The following EDEM3 variants were observed in gnomAD, a reference collection of about 807,000 sequenced individuals.
EDEM3 encodes the protein ER degradation enhancing alpha-mannosidase like protein 3.
In EDEM3, 60 loss-of-function variants were observed where a neutral mutation model predicts 110.2. The observed-to-expected ratio is 0.54, with a 90% CI of 0.44 to 0.67. The LOEUF is 0.67. Among genes scored for constraint, EDEM3 ranks in the 30% least tolerant of loss-of-function variants. The pLI, the probability that EDEM3 is intolerant of heterozygous loss-of-function variation, is 0.00. For missense variants in EDEM3, 996 were observed against 1,121.0 expected (o/e 0.89, Z 1.59); for synonymous variants, 352 against 382.9 (o/e 0.92, Z 0.94).
At position 184,692,363 on chromosome 1, in the gene EDEM3, C is replaced by T. The variant is rs540791218; in HGVS notation, c.*1700G>A. On this transcript the variant is annotated 3_prime_UTR_variant, in exon 20 of 20. Coordinates refer to ENST00000318130, the MANE Select transcript of EDEM3 (RefSeq NM_025191.4). The stretch of plus-strand genomic sequence containing the variant: ...GGTCTTGCATACTATTCTTTTTCCC[C>T]TCCCCAAAGTGAATTCTCCATCAGA... 1 of 152,176 alleles carries T rather than the reference C, an allele frequency of 6.6e-6. No homozygotes were observed. The highest frequency in any genetic ancestry group is 6.5e-5 in the Admixed American group (1 of 15,278). The allele number at this position is 152,176 out of a possible 1,614,324, so 9.4% of individuals were successfully genotyped here. A position where few individuals can be genotyped will look rare whatever the true frequency, so the allele number is the denominator to read the frequency against.
chr1:184,706,383 A>T (rs976889159), intron 18 of EDEM3, among the ~76,000 whole-genome samples: 2 of 152,128 alleles, frequency 1.3e-5, no homozygotes, highest in African/African-American at 4.8e-5. Context: ...GAATTTTTTT[A>T]CTACTCAGCC....
At chr1:184,718,539 C>T (rs144299962) in intron 11 of EDEM3, among the ~76,000 whole-genome samples, 54 of 152,054 alleles carry the variant, frequency 3.6e-4, no homozygotes, top group African/African-American at 1.3e-3. Context: ...AGTCAATAAG[C>T]GGGGATAGAA....
At chr1:184,730,610 T>A (rs1458965318) in intron 6 of EDEM3, among the ~76,000 whole-genome samples, 1 of 152,086 alleles carries the variant, frequency 6.6e-6, no homozygotes, top group East Asian at 1.9e-4. Flanking sequence ...ACAAAAAGAA[T>A]GTTTACCAGA....
At chr1:184,729,466 G>C (rs768231911) in intron 6 of EDEM3, among the ~76,000 whole-genome samples, 1 of 152,104 alleles carries the variant, frequency 6.6e-6, no homozygotes, top group Non-Finnish European at 1.5e-5. Context: ...CTGGCAAGTT[G>C]CTTTTAATTA....
In EDEM3 at chr1:184,714,800, TA is replaced by T. The variant is rs371031938; in HGVS notation, c.1370+2087del. Among the ~76,000 whole-genome samples, 634 of 151,976 alleles carry T rather than the reference TA, an allele frequency of 4.2e-3. 5 individuals carry two copies. The highest frequency in any genetic ancestry group is 0.036 in the East Asian group (184 of 5,170). ...AAATATAAAAGTTCTAAGTTTACACTAAAAAAAAGAAAACTTGGCTGCTCAA... is the reference window on the plus strand; with the variant it reads ...AAATATAAAAGTTCTAAGTTTACACTAAAAAAAGAAAACTTGGCTGCTCAA... On this transcript the variant is annotated intron_variant, in intron 13 of 19. Coordinates refer to ENST00000318130, the MANE Select transcript of EDEM3 (RefSeq NM_025191.4).
chr1:184,713,784 A>T (rs574748957), intron 13 of EDEM3, among the ~76,000 whole-genome samples: 1 of 152,348 alleles, frequency 6.6e-6, no homozygotes, highest in South Asian at 2.1e-4. Flanking sequence ...ATATTATATA[A>T]GGACTATGAG....
chr1:184,733,190 A>G (rs1049355627), intron 5 of EDEM3, among the ~76,000 whole-genome samples, 200 bp from the exon 6 acceptor site: 12 of 152,220 alleles, frequency 7.9e-5, no homozygotes, highest in Non-Finnish European at 1.6e-4. Context: ...AAAAAATTAG[A>G]TATTCTATCC....
intron 4 of EDEM3, among the ~76,000 whole-genome samples, chr1:184,736,606 T>C (rs80270708): frequency 0.014 from 2,178 of 152,200 alleles, 46 homozygotes; most frequent in East Asian, 0.051. Flanking sequence ...ATGCTAAAAA[T>C]CACTGCTGGG....
At chr1:184,726,046 G>C (rs1413794879) in intron 7 of EDEM3, among the ~76,000 whole-genome samples, 2 of 152,094 alleles carry the variant, frequency 1.3e-5, no homozygotes, top group African/African-American at 4.8e-5. Context: ...TTCATAGTTG[G>C]TGAACAAAAT....
intron 10 of EDEM3, 84 bp from the exon 11 acceptor site, chr1:184,719,329 C>T (rs1267475016): frequency 1.7e-5 from 26 of 1,512,628 alleles, no homozygotes; most frequent in Non-Finnish European, 2.0e-5. Flanking sequence ...AAAATGTATA[C>T]AAATACAATT....
In EDEM3 at chr1:184,690,426, AAC is replaced by A. The variant is rs1649011881; in HGVS notation, c.*3635_*3636del. 6.6e-6 allele frequency: 1 copy of A among 152,600 alleles called. No homozygotes were observed. The highest frequency in any genetic ancestry group is 2.4e-5 in the African/African-American group (1 of 41,440). 9.5% of individuals were successfully genotyped at this position (152,600 alleles called of 1,614,324 possible). A position where few individuals can be genotyped will look rare whatever the true frequency, so the allele number is the denominator to read the frequency against. ...AAAATGAGTTTAAAAAAAAAAGGAAAACAGAGTGATAAACATCAAGACATAAA... is the reference window on the plus strand; with the variant it reads ...AAAATGAGTTTAAAAAAAAAAGGAAAAGAGTGATAAACATCAAGACATAAA... On this transcript the variant is annotated 3_prime_UTR_variant, in exon 20 of 20. Coordinates refer to ENST00000318130, the MANE Select transcript of EDEM3 (RefSeq NM_025191.4).
At chr1:184,702,638 G>A (rs1255692153) in intron 19 of EDEM3, among the ~76,000 whole-genome samples, 173 bp downstream of exon 19, 1 of 151,846 alleles carries the variant, frequency 6.6e-6, no homozygotes, top group Non-Finnish European at 1.5e-5. Flanking sequence ...CAAAATAAAT[G>A]TTTTATTATT....
intron 6 of EDEM3, 22 bp from the exon 7 acceptor site, chr1:184,726,411 T>C (rs748080985): frequency 6.2e-7 from 1 of 1,608,712 alleles, no homozygotes; most frequent in Non-Finnish European, 8.5e-7. Context: ...TAGAAAATTG[T>C]CATTAGCAGT....
chr1:184,696,125 C>T (rs926496249), intron 19 of EDEM3, among the ~76,000 whole-genome samples: 4 of 151,676 alleles, frequency 2.6e-5, no homozygotes, highest in Non-Finnish European at 4.4e-5. Flanking sequence ...CATCAAATAA[C>T]GAGAAAAAAA....
intron 13 of EDEM3, 61 bp from the exon 14 acceptor site, chr1:184,712,659 T>C: frequency 1.7e-6 from 2 of 1,170,506 alleles, no homozygotes; most frequent in Non-Finnish European, 2.4e-6. Context: ...GCCAACTATA[T>C]GAAAGCCATA....
chr1:184,744,747 T>C (rs768841772), intron 2 of EDEM3, among the ~76,000 whole-genome samples: 1 of 152,074 alleles, frequency 6.6e-6, no homozygotes, highest in Non-Finnish European at 1.5e-5. Flanking sequence ...AGAATTACAA[T>C]ATATCTCCAA....
intron 16 of EDEM3, among the ~76,000 whole-genome samples, chr1:184,708,803 A>C (rs1427466067): frequency 6.6e-6 from 1 of 152,236 alleles, no homozygotes; most frequent in East Asian, 1.9e-4. Context: ...ACAGTCCTTT[A>C]AGAAATTTGT....
rs781597649 is a variant in EDEM3, at chr1:184,732,869, A to G, written c.580T>C (p.Phe194Leu). ...TAAGGAAGGCCACTGGTAGTGTTGAAAGCCGGTAAAAGTTTGTAACCTAAC... is the reference window on the plus strand; with the variant it reads ...TAAGGAAGGCCACTGGTAGTGTTGAGAGCCGGTAAAAGTTTGTAACCTAAC... ...KQLGYKLLPA[F>L]NTTSGLPYPR... is the part of the protein sequence containing the mutation. The change falls in exon 6 of 20, where the codon TTC becomes CTC. Residue 194 changes from phenylalanine to leucine, a missense_variant. This residue lies in a region of EDEM3 where 310 missense variants were observed against 394.6 expected (regional missense o/e 0.79). Coordinates refer to ENST00000318130, the MANE Select transcript of EDEM3 (RefSeq NM_025191.4). 6.2e-7 allele frequency: 1 copy of G among 1,613,884 alleles called. No individual in the cohort carries two copies.
chr1:184,702,772 T>C (rs774396991), intron 19 of EDEM3, 39 bp downstream of exon 19: 3 of 1,424,368 alleles, frequency 2.1e-6, no homozygotes, highest in East Asian at 2.6e-5. Flanking sequence ...AAAATTAATA[T>C]TACGCTGCAT....
Sources: allele counts gnomAD v4.1 joint callset (sites outside exome capture counted in the v4.1 genomes callset), GRCh38; gene constraint gnomAD v4.1.1; regional missense constraint gnomAD v4.1.1; transcripts MANE v1.5; gene names NCBI Gene and HGNC (gene_info 2026-07-23, HGNC 2026-07-21).